Variants in ASL observed in about 807,000 individuals in gnomAD.
ASL encodes argininosuccinase.
A neutral mutation model predicts 69.1 loss-of-function variants in ASL; 51 were observed. That is an observed-to-expected ratio of 0.74 (90% confidence interval 0.59 to 0.93). The LOEUF (loss-of-function observed/expected upper bound fraction) is 0.93, where lower values mean the gene tolerates loss of function less well. Among genes scored for constraint, ASL ranks in the 40% least tolerant of loss-of-function variants. ASL has a pLI of 0.00. For synonymous variants in ASL, 241 were observed against 247.6 expected (o/e 0.97, Z 0.25); for missense variants, 540 against 623.9 (o/e 0.87, Z 1.43).
intron 6 of ASL, 27 bp downstream of exon 6, chr7:66,083,201 G>T (rs536542431): frequency 2.5e-6 from 4 of 1,608,354 alleles, no homozygotes; most frequent in Admixed American, 3.3e-5. Context: ...CACCCAGGGG[G>T]CAGACAGAGG....
chr7:66,082,626 T>A (rs1215479201), intron 4 of ASL, among the ~76,000 whole-genome samples, 175 bp downstream of exon 4: 1 of 151,754 alleles, frequency 6.6e-6, no homozygotes, highest in African/African-American at 2.4e-5. Flanking sequence ...TTTGGGAGGC[T>A]GAGGTGGGAG....
chr7:66,086,301 C>G (rs560415301), intron 6 of ASL, among the ~76,000 whole-genome samples: 21 of 152,262 alleles, frequency 1.4e-4, no homozygotes, highest in Admixed American at 1.2e-3. Context: ...GGCCCCTGCT[C>G]GGAGATGCTG....
At chr7:66,087,459 A>G (rs1391173289) in intron 9 of ASL, 73 bp downstream of exon 9, 1 of 1,553,512 alleles carries the variant, frequency 6.4e-7, no homozygotes, top group Non-Finnish European at 8.8e-7. Context: ...ACACACCTGA[A>G]ACCAGAGGGC....
Position 66,087,385 on chromosome 7 carries a change from A to G in ASL, c.654A>G (p.Ala218=). 1 of 1,607,062 alleles carries G rather than the reference A, an allele frequency of 6.2e-7. No individual in the cohort carries two copies. Among genetic ancestry groups the G allele is most frequent in the Non-Finnish European group, 8.5e-7 (1 of 1,179,882 alleles). The change falls in exon 9 of 17, where the codon GCA becomes GCG. Residue 218 remains alanine (A), a splice_region_variant and synonymous_variant. Transcript: ENST00000304874. ...PLGVDRELLR[A]ELNFGAITLN... is the part of the protein sequence containing the mutation. ...GTGTGGACCGAGAGCTGCTCCGAGC[A>G]GGTGAGACGTCCTGCCCCTCCTCCC... is the stretch of plus-strand genomic sequence containing the variant.
chr7:66,092,250 G>A (rs760874909), intron 15 of ASL, among the ~76,000 whole-genome samples, 164 bp downstream of exon 15: 11 of 151,916 alleles, frequency 7.2e-5, no homozygotes, highest in Admixed American at 6.6e-5. Context: ...CCAGGAGTTC[G>A]AGACCAGCCT....
At chr7:66,085,226 C>G (rs529786406) in intron 6 of ASL, among the ~76,000 whole-genome samples, 1 of 152,262 alleles carries the variant, frequency 6.6e-6, no homozygotes, top group Non-Finnish European at 1.5e-5. Flanking sequence ...CCTGTAATCC[C>G]AGCACTTTGG....
Position 66,092,557 on chromosome 7 carries a change from A to C in ASL, c.1144A>C (p.Met382Leu), listed in dbSNP as rs757165371. Reference sequence around the variant, plus strand: ...CGCCATCTTCCTCCCTGGCACCCAGATGCCATTCCGCCAGGCCCACGAGGC... The same window carrying C: ...CGCCATCTTCCTCCCTGGCACCCAGCTGCCATTCCGCCAGGCCCACGAGGC... ...DLAYYLVRKG[M>L]PFRQAHEASG... The change falls in exon 16 of 17, where the codon ATG (methionine) becomes CTG (leucine). Residue 382 changes from methionine (M) to leucine (L), a missense_variant and splice_region_variant. By Grantham distance (15) the Met-to-Leu change is conservative. Transcript: ENST00000304874. The C allele has an allele frequency of 6.2e-7, 1 of 1,607,838 alleles. No individual in the cohort carries two copies. The highest frequency in any genetic ancestry group is 2.2e-5 in the East Asian group (1 of 44,860).
In ASL at chr7:66,086,020, C is replaced by T. The variant is rs539575384; in HGVS notation, c.447-565C>T. On this transcript the variant is annotated intron_variant, in intron 6 of 16. Coordinates refer to ENST00000304874, the MANE Select transcript of ASL (RefSeq NM_000048.4). ...GGAGGATCGCTTGAGCCCAGGAGAT[C>T]GAGGCAGCAGTGAGCTATGATCATG... is the stretch of plus-strand genomic sequence containing the variant. 1.1e-3 allele frequency among the ~76,000 whole-genome samples: 169 copies of T among 152,094 alleles called. 2 individuals carry two copies. In the Middle Eastern group the frequency reaches 0.017, roughly 15 times the overall value.
At chr7:66,078,663 CTT>C (rs1409079476) in intron 2 of ASL, among the ~76,000 whole-genome samples, 1 of 151,956 alleles carries the variant, frequency 6.6e-6, no homozygotes, top group African/African-American at 2.4e-5. Flanking sequence ...AAGAAGGAGT[CTT>C]GCTCTGTCGC....
chr7:66,089,227 A>AG (rs769307500), intron 12 of ASL, 49 bp from the exon 13 acceptor site: 5 of 1,611,276 alleles, frequency 3.1e-6, no homozygotes, highest in African/African-American at 2.7e-5. Flanking sequence ...GTGGGTGGCC[A>AG]GGGGGGCAGG....
Position 66,086,796 on chromosome 7 carries a change from C to A in ASL, c.577C>A (p.Arg193=), listed in dbSNP as rs1428029508. The A allele has an allele frequency of 6.3e-7, 1 of 1,587,932 alleles. No homozygotes were observed. The highest frequency in any genetic ancestry group is 1.8e-5 in the Admixed American group (1 of 55,354). ...TGAGCGGCTGCTGGAGGTGCGGAAG[C>A]GGATCAATGTCCTGCCCCTGGGGAG... The part of the protein sequence containing the change: ...DSERLLEVRK[R]INVLPLGSGA... The change falls in exon 8 of 17, where the codon CGG becomes AGG. Residue 193 remains arginine, a synonymous_variant. Transcript: ENST00000304874.
In ASL at chr7:66,082,946, C is replaced by T. The variant is rs779302505; in HGVS notation, c.348+10C>T. On this transcript the variant is annotated intron_variant, in intron 5 of 16. Transcript: ENST00000304874. ...GAGCCGGAATGACCAGGTGCTTTAG[C>T]CCCTCCACCCCCTGCTCCGTGTTGT... 4 of 1,613,284 alleles carry T rather than the reference C, an allele frequency of 2.5e-6. No individual in the cohort carries two copies. The highest frequency in any genetic ancestry group is 3.4e-6 in the Non-Finnish European group (4 of 1,179,838).
chr7:66,087,869 A>G (rs1786716610), intron 10 of ASL, 78 bp downstream of exon 10: 15 of 1,559,764 alleles, frequency 9.6e-6, no homozygotes, highest in Non-Finnish European at 1.3e-5. Flanking sequence ...GTTTCCTCCC[A>G]CACCTCCACG....
intron 6 of ASL, among the ~76,000 whole-genome samples, chr7:66,085,475 A>AAAC (rs141000681): frequency 6.6e-6 from 1 of 151,922 alleles, no homozygotes; most frequent in South Asian, 2.1e-4. Context: ...TCTTTCTCAA[A>AAAC]AACAACAACA....
At chr7:66,092,704 G>GA in intron 16 of ASL, 41 bp downstream of exon 16, 5 of 1,613,630 alleles carry the variant, frequency 3.1e-6, no homozygotes, top group Non-Finnish European at 4.2e-6. Context: ...CCTAGGAAGT[G>GA]AGCCTGGGTG....
chr7:66,089,384 C>G, intron 13 of ASL, 49 bp downstream of exon 13: 1 of 1,565,266 alleles, frequency 6.4e-7, no homozygotes, highest in Non-Finnish European at 8.7e-7. Context: ...TCTCAGGGCT[C>G]TGGCACACTC....
chr7:66,081,923 T>A lies in ASL; in HGVS notation c.133T>A (p.Tyr45Asn), dbSNP rs771012029. ...WEVDVQGSKA[Y>N]SRGLEKAGLL... ...GGTGGATGTTCAAGGCAGCAAAGCCTACAGCAGGGGCCTGGAGAAGGCAGG... is the reference window on the plus strand; with the variant it reads ...GGTGGATGTTCAAGGCAGCAAAGCCAACAGCAGGGGCCTGGAGAAGGCAGG... The change falls in exon 3 of 17, where the codon TAC becomes AAC. Residue 45 changes from tyrosine (Y) to asparagine (N), a missense_variant. By Grantham distance (143) the Tyr-to-Asn change is moderately radical. Coordinates refer to ENST00000304874, the MANE Select transcript of ASL (RefSeq NM_000048.4). The A allele has an allele frequency of 4.3e-6, 7 of 1,613,878 alleles. No individual in the cohort carries two copies. The highest frequency in any genetic ancestry group is 5.9e-6 in the Non-Finnish European group (7 of 1,179,974).
At chr7:66,090,405 C>G (rs1419429115) in intron 14 of ASL, among the ~76,000 whole-genome samples, 3 of 152,070 alleles carry the variant, frequency 2.0e-5, no homozygotes, top group South Asian at 2.1e-4. Context: ...TCCAGAGTAG[C>G]TGGGACTACA....
chr7:66,081,940 G>A lies in ASL; in HGVS notation c.150G>A (p.Glu50=). The A allele has an allele frequency of 6.2e-7, 1 of 1,613,738 alleles. No homozygotes were observed. Among genetic ancestry groups the A allele is most frequent in the South Asian group, 1.1e-5 (1 of 91,022 alleles). ...QGSKAYSRGL[E]KAGLLTKAEM... ...GCAAAGCCTACAGCAGGGGCCTGGA[G>A]AAGGCAGGGCTCCTCACCAAGGCCG... Residue 50 remains glutamate, a synonymous_variant, in exon 3 of 17, where the codon GAG becomes GAA. Coordinates refer to ENST00000304874, the MANE Select transcript of ASL (RefSeq NM_000048.4).
Sources: gnomAD v4.1 joint callset for allele counts (sites outside exome capture counted in the v4.1 genomes callset) on GRCh38, gnomAD v4.1.1 for gene constraint, MANE v1.5 for transcripts, NCBI Gene and HGNC (gene_info 2026-07-23, HGNC 2026-07-21) for gene names.